PGM1: variants seen among roughly 807,000 people sequenced by gnomAD.
PGM1 encodes phosphoglucomutase 1.
In PGM1, 52 loss-of-function variants were observed where a neutral mutation model predicts 55.6. The ratio of observed to expected loss-of-function variants is 0.94; its 90% confidence interval spans 0.75 to 1.18. The LOEUF (loss-of-function observed/expected upper bound fraction) is 1.18. Ranked by LOEUF, PGM1 falls within the 50% of genes most tolerant of loss-of-function variation. The probability of loss-of-function intolerance (pLI) is 0.00; values close to 1 mark genes in which losing one functional copy is unlikely to be tolerated. For missense variants in PGM1, 724 were observed against 729.3 expected (o/e 0.99, Z 0.08); for synonymous variants, 287 against 271.7 (o/e 1.06, Z -0.55).
intron 7 of PGM1, among the ~76,000 whole-genome samples, chr1:63,647,976 A>G (rs1007908794): frequency 6.6e-6 from 1 of 152,152 alleles, no homozygotes; most frequent in Non-Finnish European, 1.5e-5. Flanking sequence ...GGAAGCATCA[A>G]TTTCTTTTCA....
At chr1:63,632,593 A>G (rs1268228508) in intron 4 of PGM1, among the ~76,000 whole-genome samples, 1 of 152,240 alleles carries the variant, frequency 6.6e-6, no homozygotes, top group Non-Finnish European at 1.5e-5. Context: ...CGATTCTGTC[A>G]TTTTAAACCA....
chr1:63,608,873 C>T (rs1409619019), intron 1 of PGM1, among the ~76,000 whole-genome samples: 1 of 152,114 alleles, frequency 6.6e-6, no homozygotes. Flanking sequence ...AAAGAGTAAT[C>T]GTAATATCTG....
At chr1:63,621,414 T>G (rs1648875766) in intron 1 of PGM1, among the ~76,000 whole-genome samples, 1 of 152,184 alleles carries the variant, frequency 6.6e-6, no homozygotes, top group South Asian at 2.1e-4. Flanking sequence ...CTACCAATTA[T>G]GTGGTTGGCT....
chr1:63,635,080 G>GA, intron 5 of PGM1, 61 bp downstream of exon 5: 1 of 1,433,944 alleles, frequency 7.0e-7, no homozygotes, highest in Non-Finnish European at 9.8e-7. Flanking sequence ...TGCAGATGGG[G>GA]AAAAAAGTGG....
chr1:63,658,292 C>T (rs1372305225), intron 10 of PGM1, among the ~76,000 whole-genome samples: 1 of 150,240 alleles, frequency 6.7e-6, no homozygotes, highest in Non-Finnish European at 1.5e-5. Context: ...CACTTCATCT[C>T]TTTGGGTATC....
At chr1:63,632,803 G>A (rs1386886740) in intron 4 of PGM1, among the ~76,000 whole-genome samples, 1 of 152,234 alleles carries the variant, frequency 6.6e-6, no homozygotes, top group South Asian at 2.1e-4. Context: ...ATGGGGTCAG[G>A]AGTTCAAGAC....
chr1:63,600,982 T>C (rs1238614956), intron 1 of PGM1, among the ~76,000 whole-genome samples: 4 of 152,172 alleles, frequency 2.6e-5, no homozygotes, highest in Non-Finnish European at 5.9e-5. Context: ...GGAAAACTTT[T>C]CATCTACCCT....
chr1:63,646,965 G>A (rs181344345), intron 7 of PGM1, among the ~76,000 whole-genome samples: 10 of 151,850 alleles, frequency 6.6e-5, no homozygotes, highest in Non-Finnish European at 1.3e-4. Flanking sequence ...AAATGTGGCC[G>A]GGCATGGTGG....
intron 6 of PGM1, among the ~76,000 whole-genome samples, chr1:63,637,783 G>A (rs779666960): frequency 6.6e-5 from 10 of 152,154 alleles, no homozygotes; most frequent in Non-Finnish European, 1.5e-4. Context: ...TGGAAAAATT[G>A]ATAATCCACA....
chr1:63,594,051 C>T (rs1647960541), intron 1 of PGM1: 35 of 1,080,942 alleles, frequency 3.2e-5, no homozygotes, highest in Admixed American at 5.5e-5. Flanking sequence ...CTCCCCGTCC[C>T]CCGCCCCTCC....
intron 1 of PGM1, among the ~76,000 whole-genome samples, chr1:63,626,447 C>G (rs1570490604): frequency 1.3e-5 from 2 of 152,156 alleles, no homozygotes; most frequent in Admixed American, 6.5e-5. Flanking sequence ...TTCTAGTTAC[C>G]TCATAGAAGC....
rs1214809519 is a variant in PGM1 at position 63,593,627 on chromosome 1, G to A, written c.139G>A (p.Val47Met). ...ENFIQSIIST[V>M]EPAQRQEATL... ...CTTCATCCAGAGTATCATCTCCACC[G>A]TGGAGCCGGCGCAGCGGCAGGAGGC... The change falls in exon 1 of 11, where the codon GTG (valine) becomes ATG (methionine). Residue 47 changes from valine (V) to methionine (M), a missense_variant. This residue lies in a region of PGM1 where 379 missense variants were observed against 357.5 expected (regional missense o/e 1.06). Transcript: ENST00000371084. 2 of 1,612,412 alleles carry A rather than the reference G, an allele frequency of 1.2e-6. No individual in the cohort carries two copies. The highest frequency in any genetic ancestry group is 4.5e-5 in the East Asian group (2 of 44,838).
chr1:63,618,608 A>G (rs1648804995), intron 1 of PGM1, among the ~76,000 whole-genome samples: 1 of 152,094 alleles, frequency 6.6e-6, no homozygotes, highest in Admixed American at 6.5e-5. Context: ...TCATCTGTAC[A>G]CTTAATTTTA....
At chr1:63,615,325 C>T (rs1407141104) in intron 1 of PGM1, among the ~76,000 whole-genome samples, 1 of 152,130 alleles carries the variant, frequency 6.6e-6, no homozygotes, top group Admixed American at 6.5e-5. Flanking sequence ...TACCTTTCCT[C>T]ATTTACTTTC....
At chr1:63,602,392 C>T (rs763641327) in intron 1 of PGM1, among the ~76,000 whole-genome samples, 2 of 152,196 alleles carry the variant, frequency 1.3e-5, no homozygotes, top group Non-Finnish European at 2.9e-5. Context: ...TAAGGGCATG[C>T]AGGGAAGGTG....
intron 1 of PGM1, among the ~76,000 whole-genome samples, chr1:63,609,146 G>A (rs377246819): frequency 2.6e-5 from 4 of 152,238 alleles, no homozygotes; most frequent in Admixed American, 6.5e-5. Flanking sequence ...TTTCTGTCAG[G>A]CAGAGGTTCA....
In PGM1 at chr1:63,593,612, A is replaced by C. The variant is rs762809896; in HGVS notation, c.124A>C (p.Ser42Arg). ...CAACTACGCGGAGAACTTCATCCAG[A>C]GTATCATCTCCACCGTGGAGCCGGC... is the stretch of plus-strand genomic sequence containing the variant. ...SANYAENFIQ[S>R]IISTVEPAQR... The change falls in exon 1 of 11, where the codon AGT becomes CGT. Residue 42 changes from serine (S) to arginine (R), a missense_variant. Coordinates refer to ENST00000371084, the MANE Select transcript of PGM1 (RefSeq NM_002633.3). 1.2e-6 allele frequency: 2 copies of C among 1,613,318 alleles called. No individual in the cohort carries two copies. Among genetic ancestry groups the C allele is most frequent in the South Asian group, 2.2e-5 (2 of 91,000 alleles).
chr1:63,648,268 G>A (rs1649705954), intron 7 of PGM1, among the ~76,000 whole-genome samples: 1 of 152,152 alleles, frequency 6.6e-6, no homozygotes, highest in Admixed American at 6.5e-5. Context: ...TTCTTCACAT[G>A]GCTGCAGGAG....
chr1:63,642,587 A>G (rs570274236), intron 7 of PGM1, among the ~76,000 whole-genome samples: 1 of 152,338 alleles, frequency 6.6e-6, no homozygotes, highest in South Asian at 2.1e-4. Context: ...AGTATACAAT[A>G]CCATGCATTT....
Sources: allele counts gnomAD v4.1 joint callset (sites outside exome capture counted in the v4.1 genomes callset), GRCh38; gene constraint gnomAD v4.1.1; regional missense constraint gnomAD v4.1.1; transcripts MANE v1.5; gene names NCBI Gene and HGNC (gene_info 2026-07-23, HGNC 2026-07-21).